TCF12: variants seen among roughly 807,000 people sequenced by gnomAD.
TCF12 encodes DNA-binding protein HTF4.
TCF12 carries 45 observed loss-of-function variants against 86.0 expected under a neutral mutation model. That is an observed-to-expected ratio of 0.52 (90% CI 0.41 to 0.67). TCF12 has a LOEUF of 0.67. TCF12 is among the 30% of genes least tolerant of loss of function. TCF12 has a pLI of 0.00. For missense variants in TCF12, 881 were observed against 859.9 expected (o/e 1.02, Z -0.31); for synonymous variants, 330 against 299.6 (o/e 1.10, Z -1.05).
Position 57,033,045 on chromosome 15 carries a change from C to T in TCF12, c.149-30705C>T, listed in dbSNP as rs148957635. On this transcript the variant is annotated intron_variant, in intron 3 of 20. Coordinates refer to ENST00000333725, the MANE Select transcript of TCF12 (RefSeq NM_207037.2). Reference sequence around the variant, plus strand: ...AGAGCAATAACTATAACTTAAAAAGCTGCGGATGGACTCAATAACAGAATG... The same window carrying T: ...AGAGCAATAACTATAACTTAAAAAGTTGCGGATGGACTCAATAACAGAATG... Among the ~76,000 whole-genome samples the T allele has an allele frequency of 1.6e-3, 237 of 152,010 alleles. 1 individual carries two copies. The highest frequency in any genetic ancestry group is 5.5e-3 in the African/African-American group (230 of 41,494).
intron 3 of TCF12, among the ~76,000 whole-genome samples, chr15:56,977,307 C>T (rs1378171980): frequency 4.6e-5 from 7 of 152,000 alleles, no homozygotes; most frequent in Non-Finnish European, 7.4e-5. Flanking sequence ...CCGAGGTGGG[C>T]GGATTGCTTG....
At chr15:57,266,435 TC>T (rs2060875526) in intron 18 of TCF12, among the ~76,000 whole-genome samples, 1 of 152,186 alleles carries the variant, frequency 6.6e-6, no homozygotes, top group Admixed American at 6.5e-5. Flanking sequence ...TTATCCATTG[TC>T]TGTGGTTGTT....
intron 3 of TCF12, among the ~76,000 whole-genome samples, chr15:57,020,161 GTA>G (rs1440765130): frequency 6.6e-6 from 1 of 152,194 alleles, no homozygotes; most frequent in African/African-American, 2.4e-5. Flanking sequence ...AAAAGGAAGA[GTA>G]TGTAAGATAG....
intron 3 of TCF12, among the ~76,000 whole-genome samples, chr15:56,997,437 A>G (rs1208120284): frequency 6.6e-6 from 1 of 152,154 alleles, no homozygotes; most frequent in East Asian, 1.9e-4. Flanking sequence ...CATGGTCATA[A>G]ATGAGAACAG....
intron 15 of TCF12, 108 bp downstream of exon 15, chr15:57,252,600 C>G: frequency 1.1e-6 from 1 of 892,970 alleles, no homozygotes; most frequent in East Asian, 2.7e-5. Context: ...AAAAATCAAA[C>G]AGTTGACTGT....
intron 3 of TCF12, among the ~76,000 whole-genome samples, chr15:56,987,577 T>C (rs779795528): frequency 8.5e-5 from 13 of 152,208 alleles, no homozygotes; most frequent in Admixed American, 3.3e-4. Flanking sequence ...GACTAGTCAT[T>C]GTTAGGTAAC....
chr15:56,988,889 A>G (rs1326107718), intron 3 of TCF12, among the ~76,000 whole-genome samples: 1 of 152,158 alleles, frequency 6.6e-6, no homozygotes, highest in African/African-American at 2.4e-5. Flanking sequence ...CCACAGTGTT[A>G]CTGAAGCTGT....
intron 5 of TCF12, among the ~76,000 whole-genome samples, chr15:57,153,806 G>A (rs548996222): frequency 6.6e-6 from 1 of 152,048 alleles, no homozygotes; most frequent in East Asian, 1.9e-4. Context: ...AGGATTGCTT[G>A]AGGGCAGGAG....
intron 3 of TCF12, among the ~76,000 whole-genome samples, chr15:57,039,198 G>A (rs1278719232): frequency 6.6e-6 from 1 of 152,176 alleles, no homozygotes; most frequent in Non-Finnish European, 1.5e-5. Context: ...TGTTGTATAA[G>A]GGTTGAGTGA....
intron 3 of TCF12, among the ~76,000 whole-genome samples, chr15:57,033,725 T>C (rs1214403409): frequency 6.6e-6 from 1 of 152,198 alleles, no homozygotes; most frequent in African/African-American, 2.4e-5. Flanking sequence ...TAAAAATTAT[T>C]AGCTTTCTTG....
chr15:57,062,332 A>G (rs1163599883), intron 3 of TCF12, among the ~76,000 whole-genome samples: 2 of 152,126 alleles, frequency 1.3e-5, no homozygotes, highest in Non-Finnish European at 2.9e-5. Flanking sequence ...TACTAGCTCC[A>G]CAGGAATGAA....
chr15:56,936,887 TAGTTTG>T (rs2060493197), intron 3 of TCF12, among the ~76,000 whole-genome samples: 1 of 152,220 alleles, frequency 6.6e-6, no homozygotes, highest in Admixed American at 6.5e-5. Context: ...CCTTACAGTC[TAGTTTG>T]AAGTCAGGTA....
intron 5 of TCF12, among the ~76,000 whole-genome samples, chr15:57,108,439 C>T (rs140630138): frequency 6.6e-6 from 1 of 152,122 alleles, no homozygotes; most frequent in African/African-American, 2.4e-5. Flanking sequence ...TTTTGACTGT[C>T]TTTTATAATG....
chr15:57,002,815 G>A (rs559872056), intron 3 of TCF12, among the ~76,000 whole-genome samples: 1 of 152,320 alleles, frequency 6.6e-6, no homozygotes, highest in Non-Finnish European at 1.5e-5. Context: ...TACTGTAGCA[G>A]TTTGCAGGTA....
intron 3 of TCF12, among the ~76,000 whole-genome samples, chr15:56,937,467 A>G (rs890732868): frequency 5.9e-5 from 9 of 151,630 alleles, no homozygotes; most frequent in African/African-American, 2.2e-4. Flanking sequence ...AGGAGTCTTC[A>G]GGGTTTTCTA....
At chr15:57,178,021 C>T (rs564306922) in intron 6 of TCF12, among the ~76,000 whole-genome samples, 20 of 152,196 alleles carry the variant, frequency 1.3e-4, no homozygotes, top group African/African-American at 4.8e-4. Flanking sequence ...TCAGAAAGTC[C>T]GTTTATTCTT....
chr15:57,028,954 T>A (rs538512865), intron 3 of TCF12, among the ~76,000 whole-genome samples: 6 of 152,140 alleles, frequency 3.9e-5, no homozygotes, highest in African/African-American at 1.4e-4. Flanking sequence ...TGCGCCACCA[T>A]GCCCAGCTAA....
At chr15:57,197,730 C>G in intron 7 of TCF12, 43 bp from the exon 8 acceptor site, 4 of 1,591,482 alleles carry the variant, frequency 2.5e-6, no homozygotes, top group Non-Finnish European at 3.4e-6. Flanking sequence ...TGATTTTTTT[C>G]TGGTATATTA....
Position 57,048,435 on chromosome 15 carries a change from G to A in TCF12, c.149-15315G>A, listed in dbSNP as rs547396491. On this transcript the variant is annotated intron_variant, in intron 3 of 20. Transcript: ENST00000333725. Reference sequence around the variant, plus strand: ...CGCCACCACGCCCGGCTAATTTTTTGTATTTTTAGTAGGGGCGGGGTTTCA... The same window carrying A: ...CGCCACCACGCCCGGCTAATTTTTTATATTTTTAGTAGGGGCGGGGTTTCA... Among the ~76,000 whole-genome samples the A allele has an allele frequency of 1.4e-3, 218 of 152,122 alleles. 1 individual carries two copies. The highest frequency in any genetic ancestry group is 2.3e-3 in the Non-Finnish European group (158 of 67,982).
Sources: gnomAD v4.1 joint callset for allele counts (sites outside exome capture counted in the v4.1 genomes callset) on GRCh38, gnomAD v4.1.1 for gene constraint, MANE v1.5 for transcripts, NCBI Gene and HGNC (gene_info 2026-07-23, HGNC 2026-07-21) for gene names.